TBC1D4: variants seen among roughly 807,000 people sequenced by gnomAD.
TBC1D4 encodes TBC (Tre-2, BUB2, CDC16) domain-containing protein.
A neutral mutation model predicts 142.5 loss-of-function variants in TBC1D4; 121 were observed. The observed-to-expected ratio is 0.85, with a 90% CI of 0.73 to 0.99. TBC1D4 has a LOEUF of 0.99. Ranked by LOEUF, TBC1D4 falls within the 50% of genes least tolerant of loss-of-function variation. TBC1D4 has a pLI of 0.00. For missense variants in TBC1D4, 1,475 were observed against 1,606.6 expected (o/e 0.92, Z 1.40); for synonymous variants, 630 against 628.2 (o/e 1.00, Z -0.04).
At chr13:75,436,037 G>T (rs572552776) in intron 1 of TBC1D4, among the ~76,000 whole-genome samples, 1 of 152,234 alleles carries the variant, frequency 6.6e-6, no homozygotes, top group South Asian at 2.1e-4. Flanking sequence ...TAATCCCCAC[G>T]TGTCATGGGA....
rs541219979 is a variant in TBC1D4 at position 75,465,732 on chromosome 13, G to C, written c.498+15538C>G. ...TTCCTCCCTTTTGTAATTACTGATA[G>C]AACAGACTCTTTAAGTCTGACAAGA... On this transcript the variant is annotated intron_variant, in intron 1 of 20. Coordinates refer to ENST00000377636, the MANE Select transcript of TBC1D4 (RefSeq NM_014832.5). 2.6e-5 allele frequency among the ~76,000 whole-genome samples: 4 copies of C among 152,112 alleles called. 1 individual carries two copies. Among genetic ancestry groups the C allele is most frequent in the Admixed American group, 2.0e-4 (3 of 15,276 alleles).
At chr13:75,480,959 G>A (rs909061102) in intron 1 of TBC1D4, among the ~76,000 whole-genome samples, 1 of 151,938 alleles carries the variant, frequency 6.6e-6, no homozygotes, top group African/African-American at 2.4e-5. Flanking sequence ...CTCCCGGGAC[G>A]GGCGCTCCTC....
intron 1 of TBC1D4, among the ~76,000 whole-genome samples, chr13:75,463,982 C>T (rs1367511395): frequency 6.6e-6 from 1 of 152,180 alleles, no homozygotes. Flanking sequence ...CTCATGTAAA[C>T]TGAAAAAGTA....
At chr13:75,387,556 A>G (rs749078550) in intron 1 of TBC1D4, among the ~76,000 whole-genome samples, 2 of 152,220 alleles carry the variant, frequency 1.3e-5, no homozygotes, top group Non-Finnish European at 2.9e-5. Context: ...GACATATTCT[A>G]TTAGGTATTA....
Position 75,359,169 on chromosome 13 carries a change from A to G in TBC1D4, c.1170+600T>C, listed in dbSNP as rs139024936. Among the ~76,000 whole-genome samples the G allele has an allele frequency of 5.9e-3, 892 of 152,304 alleles. 10 individuals are homozygous for G. Among genetic ancestry groups the G allele is most frequent in the African/African-American group, 0.019 (807 of 41,568 alleles). On this transcript the variant is annotated intron_variant, in intron 3 of 20. Transcript: ENST00000377636. ...ACATTTACATTTAGATACTCCTTCTATCTGACATCTTCAAAAGTTCTTTTT... is the reference window on the plus strand; with the variant it reads ...ACATTTACATTTAGATACTCCTTCTGTCTGACATCTTCAAAAGTTCTTTTT...
chr13:75,362,370 G>A lies in TBC1D4; in HGVS notation c.736C>T (p.Pro246Ser), dbSNP rs202234772. ...TCAGCCAGGTCCTCTCCTGGGTCCG[G>A]ACCGCGCTGCTCCCCTTGGATCTTC... ...RLKIQGEQRG[P>S]DPGEDLADLE... Residue 246 changes from proline to serine, a missense_variant, in exon 2 of 21, where the codon CCG becomes TCG. This residue lies in a region of TBC1D4 where 1,227 missense variants were observed against 1,267.7 expected (regional missense o/e 0.97). Coordinates refer to ENST00000377636, the MANE Select transcript of TBC1D4 (RefSeq NM_014832.5). The surrounding 1 kb of genome is among the most constrained non-coding windows in gnomAD (Gnocchi z 4.2). 2.8e-5 allele frequency: 46 copies of A among 1,614,208 alleles called. 1 individual carries two copies. The South Asian group carries it at 4.9e-4, about 17-fold the overall frequency.
At chr13:75,315,783 C>T (rs547662265) in intron 12 of TBC1D4, among the ~76,000 whole-genome samples, 1 of 152,092 alleles carries the variant, frequency 6.6e-6, no homozygotes, top group African/African-American at 2.4e-5. Flanking sequence ...AATAAAAGAT[C>T]TACCTTCTTA....
At chr13:75,381,808 A>C (rs1239172631) in intron 1 of TBC1D4, among the ~76,000 whole-genome samples, 1 of 152,192 alleles carries the variant, frequency 6.6e-6, no homozygotes, top group African/African-American at 2.4e-5. Flanking sequence ...GATGGCTCAG[A>C]CTCTAAAATG....
chr13:75,405,478 C>T (rs1201077267), intron 1 of TBC1D4, among the ~76,000 whole-genome samples: 2 of 151,974 alleles, frequency 1.3e-5, no homozygotes, highest in Non-Finnish European at 2.9e-5. Context: ...CACCATGTTG[C>T]CCAGGCTGGT....
chr13:75,378,096 C>T (rs1265840950), intron 1 of TBC1D4, among the ~76,000 whole-genome samples: 1 of 152,000 alleles, frequency 6.6e-6, no homozygotes, highest in East Asian at 1.9e-4. Context: ...GTGTAAAATA[C>T]ATCAGCATGA....
chr13:75,383,280 G>A (rs567126368), intron 1 of TBC1D4, among the ~76,000 whole-genome samples: 224 of 152,216 alleles, frequency 1.5e-3, no homozygotes, highest in African/African-American at 5.0e-3. Context: ...CTGAGATTGC[G>A]CCACTACACT....
At chr13:75,449,155 G>A (rs993568733) in intron 1 of TBC1D4, among the ~76,000 whole-genome samples, 11 of 151,716 alleles carry the variant, frequency 7.3e-5, no homozygotes, top group African/African-American at 1.7e-4. Context: ...TAATCCCCCC[G>A]TGTCCTCAGG....
chr13:75,336,269 C>T (rs1030876015), intron 8 of TBC1D4, among the ~76,000 whole-genome samples: 2 of 151,988 alleles, frequency 1.3e-5, no homozygotes, highest in African/African-American at 2.4e-5. Context: ...TGGTGGCGCG[C>T]ACCTGTAGTC....
At chr13:75,338,849 C>T (rs1384080589) in intron 7 of TBC1D4, among the ~76,000 whole-genome samples, 1 of 152,172 alleles carries the variant, frequency 6.6e-6, no homozygotes, top group Admixed American at 6.5e-5. Context: ...GGCTCTGTTT[C>T]ATCAAATTTC....
chr13:75,396,291 T>C (rs1276092460), intron 1 of TBC1D4, among the ~76,000 whole-genome samples: 4 of 152,216 alleles, frequency 2.6e-5, no homozygotes. Context: ...CAACCTTTAT[T>C]GTCTCAGCAG....
At chr13:75,359,360 C>T (rs1882315348) in intron 3 of TBC1D4, among the ~76,000 whole-genome samples, 3 of 152,176 alleles carry the variant, frequency 2.0e-5, no homozygotes, top group South Asian at 4.1e-4. Flanking sequence ...CTGAAACCCT[C>T]GTTCTCCTTT....
At chr13:75,456,854 C>T (rs1009334569) in intron 1 of TBC1D4, among the ~76,000 whole-genome samples, 1 of 151,614 alleles carries the variant, frequency 6.6e-6, no homozygotes, top group Non-Finnish European at 1.5e-5. Context: ...ATGTCCATAA[C>T]ACCTTTATTC....
At chr13:75,386,141 A>C (rs1286298626) in intron 1 of TBC1D4, among the ~76,000 whole-genome samples, 1 of 152,238 alleles carries the variant, frequency 6.6e-6, no homozygotes, top group Non-Finnish European at 1.5e-5. Flanking sequence ...ATCAATATCT[A>C]CTGGGCCAAG....
intron 17 of TBC1D4, among the ~76,000 whole-genome samples, chr13:75,295,582 T>C (rs1168646777): frequency 3.3e-5 from 5 of 152,196 alleles, no homozygotes; most frequent in Non-Finnish European, 5.9e-5. Context: ...CAGCATATTT[T>C]TCATGACAAA....
Sources: gnomAD v4.1 joint callset for allele counts (sites outside exome capture counted in the v4.1 genomes callset) on GRCh38, gnomAD v4.1.1 for gene constraint, gnomAD v4.1.1 regional missense constraint, Gnocchi (gnomAD v3.1) non-coding constraint, MANE v1.5 for transcripts, NCBI Gene and HGNC (gene_info 2026-07-23, HGNC 2026-07-21) for gene names.